COL4A4: variants seen among roughly 807,000 people sequenced by gnomAD.
The protein encoded by COL4A4 is collagen type IV alpha 4 chain, also known as collagen alpha-4(IV) chain.
In COL4A4, 105 loss-of-function variants were observed where a neutral mutation model predicts 192.9. The observed-to-expected ratio is 0.54, with a 90% CI of 0.46 to 0.64. The LOEUF is 0.64. Among genes scored for constraint, COL4A4 ranks in the 30% least tolerant of loss-of-function variants. The pLI, the probability that COL4A4 is intolerant of heterozygous loss-of-function variation, is 0.00. For synonymous variants in COL4A4, 762 were observed against 769.9 expected (o/e 0.99, Z 0.17); for missense variants, 1,967 against 2,169.3 (o/e 0.91, Z 1.85).
intron 44 of COL4A4, among the ~76,000 whole-genome samples, chr2:227,013,272 CTCTT>C (rs879316745): frequency 6.6e-6 from 1 of 152,112 alleles, no homozygotes; most frequent in Non-Finnish European, 1.5e-5. Flanking sequence ...TTCTCTTTCT[CTCTT>C]TCTCTCTCTG....
chr2:227,023,478 A>G lies in COL4A4; in HGVS notation c.4091-1305T>C, dbSNP rs954025717. Among the ~76,000 whole-genome samples, 105 of 152,008 alleles carry G rather than the reference A, an allele frequency of 6.9e-4. 1 individual carries two copies. Among genetic ancestry groups the G allele is most frequent in the Admixed American group, 3.9e-4 (6 of 15,256 alleles). Reference sequence around the variant, plus strand: ...AAAGAAAAAAGAAAACCACTATACTAAAGATGTGAGATTTTTTTCTTTTAC... The same window carrying G: ...AAAGAAAAAAGAAAACCACTATACTGAAGATGTGAGATTTTTTTCTTTTAC... On this transcript the variant is annotated intron_variant, in intron 43 of 47. Transcript: ENST00000396625.
chr2:226,979,809 G>A, the COL4A4 span, among the ~76,000 whole-genome samples: 1 of 152,172 alleles, frequency 6.6e-6, no homozygotes. Flanking sequence ...CATCCCTCAA[G>A]CCAGTCTAGT....
intron 3 of COL4A4, among the ~76,000 whole-genome samples, chr2:227,144,163 C>T (rs1270790990): frequency 6.6e-6 from 1 of 152,126 alleles, no homozygotes; most frequent in Non-Finnish European, 1.5e-5. Context: ...TAGCTTATTA[C>T]AGAATGTTCT....
chr2:227,059,612 C>G lies in COL4A4; in HGVS notation c.2176G>C (p.Asp726His). 1 of 1,613,864 alleles carries G rather than the reference C, an allele frequency of 6.2e-7. No individual in the cohort carries two copies. Among genetic ancestry groups the G allele is most frequent in the Non-Finnish European group, 8.5e-7 (1 of 1,179,950 alleles). Residue 726 changes from aspartate (D) to histidine (H), a missense_variant, in exon 28 of 48, where the codon GAC becomes CAC. Transcript: ENST00000396625. Reference protein sequence around the residue: ...EIPGPPGFRGDMGDPGFGGEK... With the variant: ...EIPGPPGFRGHMGDPGFGGEK... The stretch of plus-strand genomic sequence containing the variant: ...CCTCCAAAACCCGGATCTCCCATGT[C>G]ACCACGAAAACCTATTTAACAACAA...
chr2:227,146,957 T>C (rs1410646092), intron 2 of COL4A4, among the ~76,000 whole-genome samples: 6 of 152,186 alleles, frequency 3.9e-5, no homozygotes, highest in African/African-American at 1.4e-4. Flanking sequence ...GGAACCATAA[T>C]TCTATCCGTA....
At chr2:227,106,165 T>G (rs533859169) in intron 12 of COL4A4, among the ~76,000 whole-genome samples, 1 of 152,070 alleles carries the variant, frequency 6.6e-6, no homozygotes, top group African/African-American at 2.4e-5. Context: ...TAACACAGTG[T>G]TGGTGTAGCA....
At chr2:227,060,566 C>A (rs574843499) in intron 26 of COL4A4, among the ~76,000 whole-genome samples, 48 of 152,264 alleles carry the variant, frequency 3.2e-4, no homozygotes, top group African/African-American at 1.2e-3. Context: ...CACGACTATG[C>A]AACCATTGTC....
At chr2:227,111,557 AT>A in intron 9 of COL4A4, 120 bp downstream of exon 9, 1 of 1,068,036 alleles carries the variant, frequency 9.4e-7, no homozygotes, top group Non-Finnish European at 1.5e-6. Context: ...GGGAACCCAC[AT>A]TTTCATTTTG....
the COL4A4 span, among the ~76,000 whole-genome samples, chr2:226,968,686 T>G: frequency 6.6e-6 from 1 of 152,190 alleles, no homozygotes; most frequent in Non-Finnish European, 1.5e-5. Context: ...GTTCTGACCC[T>G]TGAAAATGGG....
chr2:227,104,998 T>C lies in COL4A4; in HGVS notation c.736-946A>G, dbSNP rs559190345. ...GTGTACATATGTGTATATATGTACA[T>C]ATATGTGTATATAGGTGAATAAACA... On this transcript the variant is annotated intron_variant, in intron 12 of 47. Coordinates refer to ENST00000396625, the MANE Select transcript of COL4A4 (RefSeq NM_000092.5). Among the ~76,000 whole-genome samples, 12 of 152,192 alleles carry C rather than the reference T, an allele frequency of 7.9e-5. No individual in the cohort carries two copies. In the South Asian group the frequency reaches 2.5e-3, roughly 32 times the overall value.
chr2:227,045,871 TATAC>T (rs1226462607), intron 35 of COL4A4, among the ~76,000 whole-genome samples: 1 of 90,190 alleles, frequency 1.1e-5, no homozygotes, highest in Non-Finnish European at 2.1e-5. Flanking sequence ...TACACATATA[TATAC>T]ATATATATGT....
rs1243663359 is a variant in COL4A4 at position 227,041,848 on chromosome 2, G to GAAAGAA, written c.3505+299_3505+300insTTCTTT. 4.7e-4 allele frequency among the ~76,000 whole-genome samples: 18 copies of GAAAGAA among 38,708 alleles called. 1 individual carries two copies. Among genetic ancestry groups the GAAAGAA allele is most frequent in the East Asian group, 1.1e-3 (1 of 914 alleles). 25.4% of individuals were successfully genotyped at this position (38,708 alleles called of 152,430 possible). On this transcript the variant is annotated intron_variant, in intron 37 of 47. Coordinates refer to ENST00000396625, the MANE Select transcript of COL4A4 (RefSeq NM_000092.5). ...AGAAAGAAAGAAAGAAAGAAAGAAA[G>GAAAGAA]AGAAAGAAAGAAAGAAAGAAAGAAA...
chr2:227,119,877 A>G lies in COL4A4; in HGVS notation c.372+18T>C, dbSNP rs774709557. On this transcript the variant is annotated intron_variant, in intron 6 of 47. Transcript: ENST00000396625. Reference sequence around the variant, plus strand: ...TCTGCCTTTTTGAAAAAAGTGGAGAAAATTTAGGGATACTTACAGGTATGC... The same window carrying G: ...TCTGCCTTTTTGAAAAAAGTGGAGAGAATTTAGGGATACTTACAGGTATGC... 1 of 1,571,928 alleles carries G rather than the reference A, an allele frequency of 6.4e-7. No individual in the cohort carries two copies. The highest frequency in any genetic ancestry group is 1.7e-5 in the Admixed American group (1 of 58,552).
At chr2:226,986,359 TTC>T in the COL4A4 span, among the ~76,000 whole-genome samples, 185 of 152,326 alleles carry the variant, frequency 1.2e-3, 3 homozygotes, top group Middle Eastern at 0.027. Context: ...CAATGTTGGT[TTC>T]TTAGTTTCGA....
In COL4A4 at chr2:227,101,715, G is replaced by T; in HGVS notation, c.975+150C>A. On this transcript the variant is annotated intron_variant, in intron 16 of 47. Coordinates refer to ENST00000396625, the MANE Select transcript of COL4A4 (RefSeq NM_000092.5). Reference sequence around the variant, plus strand: ...CAGACAATCTTGTGCTTCAATTTTTGCACCCACAGCTAAATCCTGCAATCC... The same window carrying T: ...CAGACAATCTTGTGCTTCAATTTTTTCACCCACAGCTAAATCCTGCAATCC... The T allele has an allele frequency of 8.7e-6, 9 of 1,039,878 alleles. No homozygotes were observed. In the South Asian group the frequency reaches 1.3e-4, roughly 15 times the overall value. 64.4% of individuals were successfully genotyped at this position (1,039,878 alleles called of 1,614,324 possible).
At chr2:226,967,577 G>A in the COL4A4 span, among the ~76,000 whole-genome samples, 1 of 129,892 alleles carries the variant, frequency 7.7e-6, no homozygotes, top group African/African-American at 3.0e-5. Flanking sequence ...ATGGCTTTTT[G>A]GCCTTCATGA....
intron 1 of COL4A4, among the ~76,000 whole-genome samples, chr2:227,151,933 A>G (rs999587806): frequency 1.3e-5 from 2 of 152,222 alleles, no homozygotes; most frequent in South Asian, 4.1e-4. Context: ...TTGTTCATAA[A>G]TCACCCAGTC....
rs1434946105 is a variant in COL4A4 at position 227,069,326 on chromosome 2, C to CA, written c.1988-6729dup. On this transcript the variant is annotated intron_variant, in intron 25 of 47. Transcript: ENST00000396625. ...TTTACAGATTCAATGCCATCCCCAT[C>CA]AAGCTACCAATGACTTTCTTCACAG... 2.6e-5 allele frequency among the ~76,000 whole-genome samples: 4 copies of CA among 152,186 alleles called. No individual in the cohort carries two copies. The East Asian group carries it at 7.7e-4, about 29-fold the overall frequency.
chr2:227,114,642 C>G lies in COL4A4; in HGVS notation c.544G>C (p.Val182Leu), dbSNP rs377231912. 6.2e-7 allele frequency: 1 copy of G among 1,613,836 alleles called. No individual in the cohort carries two copies. Among genetic ancestry groups the G allele is most frequent in the Admixed American group, 1.7e-5 (1 of 59,996 alleles). The change falls in exon 8 of 48, where the codon GTT (valine) becomes CTT (leucine). Residue 182 changes from valine (V) to leucine (L), a missense_variant. Physicochemically the swap from Val to Leu is conservative, Grantham distance 32 (BLOSUM62 1). Coordinates refer to ENST00000396625, the MANE Select transcript of COL4A4 (RefSeq NM_000092.5). ...KGNSVFILGA[V>L]KGIQGDRGDP... ...ATAATACTTACCTGAATACCTTTAACGGCACCTAAAATGAACACTGAATTT... is the reference window on the plus strand; with the variant it reads ...ATAATACTTACCTGAATACCTTTAAGGGCACCTAAAATGAACACTGAATTT...
Sources: allele counts gnomAD v4.1 joint callset (sites outside exome capture counted in the v4.1 genomes callset), GRCh38; gene constraint gnomAD v4.1.1; transcripts MANE v1.5; gene names NCBI Gene and HGNC (gene_info 2026-07-23, HGNC 2026-07-21).